BCAS3: variants seen among roughly 807,000 people sequenced by gnomAD.
BCAS3 encodes BCAS4/BCAS3 fusion.
In BCAS3, 53 loss-of-function variants were observed where a neutral mutation model predicts 116.1. That is an observed-to-expected ratio of 0.46 (90% confidence interval 0.37 to 0.57). BCAS3 has a LOEUF of 0.57. Ranked by LOEUF, BCAS3 falls within the 20% of genes least tolerant of loss-of-function variation. The pLI is 0.00. For missense variants in BCAS3, 917 were observed against 1,165.4 expected, an observed-to-expected ratio of 0.79 and a Z score of 3.10; for synonymous variants, 391 against 408.2, an observed-to-expected ratio of 0.96 and a Z score of 0.51.
In BCAS3 at chr17:61,161,119, A is replaced by C. The variant is rs1175019993; in HGVS notation, c.2425+76555A>C. Among the ~76,000 whole-genome samples, 1 of 152,216 alleles carries C rather than the reference A, an allele frequency of 6.6e-6. No individual in the cohort carries two copies. Among genetic ancestry groups the C allele is most frequent in the Non-Finnish European group, 1.5e-5 (1 of 68,040 alleles). ...GAAAAAAGCTAACATAAAAGTCTCAATTAGGTTGCTGCCTAGCAGGAAGCT... is the reference window on the plus strand; with the variant it reads ...GAAAAAAGCTAACATAAAAGTCTCACTTAGGTTGCTGCCTAGCAGGAAGCT... On this transcript the variant is annotated intron_variant, in intron 22 of 23. Coordinates refer to ENST00000407086, the MANE Select transcript of BCAS3 (RefSeq NM_017679.5). The surrounding 1 kb of genome is among the most constrained non-coding windows in gnomAD (Gnocchi z 4.8).
intron 7 of BCAS3, among the ~76,000 whole-genome samples, chr17:60,833,938 T>C (rs922259508): frequency 6.6e-6 from 1 of 152,174 alleles, no homozygotes; most frequent in Non-Finnish European, 1.5e-5. Flanking sequence ...TTTTTAAAGC[T>C]GTATTTATAT....
intron 12 of BCAS3, 121 bp downstream of exon 12, chr17:60,910,823 T>G (rs1280327665): frequency 5.5e-6 from 5 of 916,600 alleles, no homozygotes; most frequent in African/African-American, 1.7e-5. Flanking sequence ...GAATTCAGAT[T>G]ATTTCAAATG....
chr17:60,891,089 G>C (rs868664054), intron 10 of BCAS3, among the ~76,000 whole-genome samples: 1 of 151,872 alleles, frequency 6.6e-6, no homozygotes. Flanking sequence ...TGTAAAAATA[G>C]CTCTTTCAAA....
At chr17:61,386,028 G>C (rs2059829684) in intron 23 of BCAS3, among the ~76,000 whole-genome samples, 1 of 152,184 alleles carries the variant, frequency 6.6e-6, no homozygotes, top group Non-Finnish European at 1.5e-5. Flanking sequence ...TCATCACAAT[G>C]ACTAATCCGA....
chr17:61,108,067 G>A (rs1039644958), intron 22 of BCAS3, among the ~76,000 whole-genome samples: 2 of 152,098 alleles, frequency 1.3e-5, no homozygotes, highest in Non-Finnish European at 2.9e-5. Context: ...CTTCAGTTCC[G>A]TCAGGGTTTG....
At chr17:61,190,526 C>CAAAAAAA (rs71148387) in intron 22 of BCAS3, among the ~76,000 whole-genome samples, 3 of 43,882 alleles carry the variant, frequency 6.8e-5, no homozygotes, top group African/African-American at 1.2e-4. Context: ...GACTCCATCT[C>CAAAAAAA]AAAAAAAAAA....
intron 12 of BCAS3, among the ~76,000 whole-genome samples, chr17:60,915,138 T>C (rs1893690606): frequency 6.6e-6 from 1 of 152,232 alleles, no homozygotes; most frequent in Admixed American, 6.5e-5. Flanking sequence ...GAAGTAATTA[T>C]AGACTCACAG....
At chr17:61,359,420 G>A (rs1048594986) in intron 22 of BCAS3, among the ~76,000 whole-genome samples, 13 of 151,536 alleles carry the variant, frequency 8.6e-5, no homozygotes, top group African/African-American at 2.7e-4. Flanking sequence ...GTAGAACAGC[G>A]GGTTTTTTAA....
At chr17:60,871,332 T>A (rs970310609) in intron 8 of BCAS3, among the ~76,000 whole-genome samples, 3 of 152,014 alleles carry the variant, frequency 2.0e-5, no homozygotes, top group African/African-American at 7.2e-5. Context: ...CCTGGCTAAT[T>A]TTTTTTAACA....
intron 22 of BCAS3, among the ~76,000 whole-genome samples, chr17:61,250,572 A>G (rs1188006178): frequency 6.6e-6 from 1 of 152,236 alleles, no homozygotes; most frequent in East Asian, 1.9e-4. Context: ...ATTTGAGTTA[A>G]TGTTTGAGAT....
chr17:61,387,316 AC>A lies in BCAS3; in HGVS notation c.2594-4660del, dbSNP rs1401405330. ...CAGCCATGCCCTTGCCTCCTCACAG[AC>A]AAAGAGTGACCCCACCCCACCCCAT... is the stretch of plus-strand genomic sequence containing the variant. On this transcript the variant is annotated intron_variant, in intron 23 of 23. Transcript: ENST00000407086. The surrounding 1 kb of genome is among the most constrained non-coding windows in gnomAD (Gnocchi z 6.2). 1.8e-4 allele frequency among the ~76,000 whole-genome samples: 28 copies of A among 152,226 alleles called. No individual in the cohort carries two copies. The highest frequency in any genetic ancestry group is 6.7e-4 in the African/African-American group (28 of 41,542).
At chr17:61,360,671 T>C (rs1265278351) in intron 22 of BCAS3, among the ~76,000 whole-genome samples, 1 of 152,206 alleles carries the variant, frequency 6.6e-6, no homozygotes, top group East Asian at 1.9e-4. Context: ...GTCATTGGAT[T>C]TAGGACCCAC....
In BCAS3 at chr17:60,876,865, G is replaced by A. The variant is rs1435966720; in HGVS notation, c.661+2127G>A. Reference sequence around the variant, plus strand: ...GAGGAAATAAAGTTTTACCATGGAAGGCATAATGTGTCTATCATGTCCTTG... The same window carrying A: ...GAGGAAATAAAGTTTTACCATGGAAAGCATAATGTGTCTATCATGTCCTTG... On this transcript the variant is annotated intron_variant, in intron 9 of 23. Coordinates refer to ENST00000407086, the MANE Select transcript of BCAS3 (RefSeq NM_017679.5). Among the ~76,000 whole-genome samples the A allele has an allele frequency of 3.3e-5, 5 of 152,070 alleles. No homozygotes were observed. The East Asian group carries it at 5.8e-4, about 18-fold the overall frequency.
intron 10 of BCAS3, among the ~76,000 whole-genome samples, chr17:60,893,691 C>G (rs755818501): frequency 2.7e-5 from 4 of 147,784 alleles, no homozygotes; most frequent in Non-Finnish European, 4.4e-5. Flanking sequence ...TTGTTGCAAC[C>G]TCCGCCTCCT....
intron 2 of BCAS3, among the ~76,000 whole-genome samples, chr17:60,681,462 T>C (rs913932513): frequency 2.0e-5 from 3 of 150,568 alleles, no homozygotes; most frequent in African/African-American, 7.3e-5. Context: ...ATCGCACCAC[T>C]GCACTCCAGC....
chr17:61,146,904 C>T (rs2077248100), intron 22 of BCAS3, among the ~76,000 whole-genome samples: 1 of 151,972 alleles, frequency 6.6e-6, no homozygotes, highest in Admixed American at 6.6e-5. Context: ...GCAGATGTTT[C>T]CTTTTTTTAA....
chr17:60,753,408 T>TTTATTTAC (rs1373610360), intron 6 of BCAS3, among the ~76,000 whole-genome samples: 9 of 149,062 alleles, frequency 6.0e-5, no homozygotes, highest in Middle Eastern at 7.0e-3. Flanking sequence ...TATTTATTTA[T>TTTATTTAC]TTATTTATTT....
At chr17:60,926,377 C>G (rs1303345652) in intron 13 of BCAS3, among the ~76,000 whole-genome samples, 2 of 151,952 alleles carry the variant, frequency 1.3e-5, no homozygotes, top group Non-Finnish European at 2.9e-5. Flanking sequence ...TCCTTTTCCC[C>G]TTCTTTTCAT....
chr17:61,327,802 G>A lies in BCAS3; in HGVS notation c.2426-40525G>A, dbSNP rs1326147484. Among the ~76,000 whole-genome samples the A allele has an allele frequency of 5.9e-5, 9 of 152,158 alleles. No homozygotes were observed. The highest frequency in any genetic ancestry group is 1.9e-4 in the African/African-American group (8 of 41,430). ...TGGAATTACAGGCATGAGCCACTGC[G>A]CCCTGCCCAAGATCTGACTGAATAA... On this transcript the variant is annotated intron_variant, in intron 22 of 23. Transcript: ENST00000407086. The surrounding 1 kb of genome is among the most constrained non-coding windows in gnomAD (Gnocchi z 5.9).
Sources: allele counts gnomAD v4.1 joint callset (sites outside exome capture counted in the v4.1 genomes callset), GRCh38; gene constraint gnomAD v4.1.1; non-coding constraint Gnocchi (gnomAD v3.1); transcripts MANE v1.5; gene names NCBI Gene and HGNC (gene_info 2026-07-23, HGNC 2026-07-21).